The following MRPL45 variants were observed in gnomAD, a reference collection of about 807,000 sequenced individuals.
MRPL45 encodes mitochondrial ribosomal protein L45, also known as large ribosomal subunit protein mL45.
A neutral mutation model predicts 38.1 loss-of-function variants in MRPL45; 20 were observed. The ratio of observed to expected loss-of-function variants is 0.53; its 90% CI spans 0.37 to 0.76. The LOEUF is 0.76. Among genes scored for constraint, MRPL45 ranks in the 30% least tolerant of loss-of-function variants. The probability of loss-of-function intolerance (pLI) is 0.00; values close to 1 mark genes in which losing one functional copy is unlikely to be tolerated. For missense variants in MRPL45, 337 were observed against 395.6 expected (o/e 0.85, Z 1.26); for synonymous variants, 105 against 128.8 (o/e 0.82, Z 1.25).
chr17:38,313,308 A>AG (rs1567716419), intron 4 of MRPL45, among the ~76,000 whole-genome samples: 1 of 20,968 alleles, frequency 4.8e-5, no homozygotes. Flanking sequence ...AAAAAAAAAA[A>AG]AAAATATATA....
Position 38,297,207 on chromosome 17 carries a change from G to A in MRPL45, c.24G>A (p.Gly8=). Residue 8 remains glycine (G), a synonymous_variant, in exon 1 of 8, where the codon GGG becomes GGA. Transcript: ENST00000613675. ...AGATGGCAGCCCCCATACCTCAAGG[G>A]TTCTCTTGTTTATCGAGGTTTTTGG... MAAPIPQ[G]FSCLSRFLGW... is the part of the protein sequence containing the mutation. The A allele has an allele frequency of 6.2e-7, 1 of 1,614,238 alleles. No homozygotes were observed. Among genetic ancestry groups the A allele is most frequent in the African/African-American group, 1.3e-5 (1 of 75,062 alleles).
At chr17:38,318,410 C>G (rs562095250) in intron 4 of MRPL45, among the ~76,000 whole-genome samples, 1 of 151,348 alleles carries the variant, frequency 6.6e-6, no homozygotes, top group African/African-American at 2.4e-5. Flanking sequence ...GAGAAATTGC[C>G]TCCTACTCCT....
At chr17:38,318,994 ATTTTTTAT>A (rs1463377944) in intron 5 of MRPL45, among the ~76,000 whole-genome samples, 4,297 of 140,114 alleles carry the variant, frequency 0.031, 243 homozygotes, top group African/African-American at 0.11. Context: ...TGCCCAGCTA[ATTTTTTAT>A]TTATTTATTT....
At chr17:38,309,951 C>A (rs958587264) in intron 4 of MRPL45, among the ~76,000 whole-genome samples, 1 of 152,072 alleles carries the variant, frequency 6.6e-6, no homozygotes, top group Non-Finnish European at 1.5e-5. Context: ...AATGTGTCTT[C>A]AGCTCTTTTC....
intron 4 of MRPL45, among the ~76,000 whole-genome samples, chr17:38,311,724 G>A (rs1056522049): frequency 6.7e-5 from 10 of 149,016 alleles, no homozygotes; most frequent in African/African-American, 2.2e-4. Flanking sequence ...GGGAGCTTGT[G>A]CACCCCTTCC....
intron 4 of MRPL45, among the ~76,000 whole-genome samples, chr17:38,311,767 TATG>T (rs2037114878): frequency 6.6e-6 from 1 of 151,172 alleles, no homozygotes; most frequent in African/African-American, 2.4e-5. Context: ...AGTCAACATC[TATG>T]AGGAACGGGC....
At chr17:38,297,852 C>G (rs1240905725) in intron 1 of MRPL45, among the ~76,000 whole-genome samples, 7 of 152,184 alleles carry the variant, frequency 4.6e-5, no homozygotes, top group Non-Finnish European at 1.0e-4. Context: ...AATCCCAGCA[C>G]TTTGAAAGTC....
At chr17:38,306,226 G>T (rs1247846826) in intron 3 of MRPL45, among the ~76,000 whole-genome samples, 1 of 151,034 alleles carries the variant, frequency 6.6e-6, no homozygotes, top group African/African-American at 2.5e-5. Flanking sequence ...TGGCTAACAC[G>T]GTGAAACCCC....
Position 38,318,733 on chromosome 17 carries a change from C to G in MRPL45, c.508C>G (p.Pro170Ala). 1 of 1,606,204 alleles carries G rather than the reference C, an allele frequency of 6.2e-7. No homozygotes were observed. The highest frequency in any genetic ancestry group is 2.2e-5 in the East Asian group (1 of 44,772). The change falls in exon 5 of 8, where the codon CCA (proline) becomes GCA (alanine). Residue 170 changes from proline to alanine, a missense_variant and splice_region_variant. This residue lies in a region of MRPL45 where 251 missense variants were observed against 269.1 expected (regional missense o/e 0.93). Coordinates refer to ENST00000613675, the MANE Select transcript of MRPL45 (RefSeq NM_032351.6). ...LHTLVTEHCF[P>A]DMTWDIKYKT... ...TACCTTGGTAACTGAACACTGTTTT[C>G]CAGTAAGTTCTCATCCTCCTTAGAA...
intron 5 of MRPL45, among the ~76,000 whole-genome samples, chr17:38,320,145 G>T (rs1026706891): frequency 1.3e-5 from 2 of 152,200 alleles, no homozygotes; most frequent in Admixed American, 1.3e-4. Flanking sequence ...GTTTCTATCA[G>T]TAGAACTTCA....
chr17:38,313,394 A>G (rs1436503098), intron 4 of MRPL45, among the ~76,000 whole-genome samples: 1 of 92,468 alleles, frequency 1.1e-5, no homozygotes, highest in East Asian at 3.1e-4. Flanking sequence ...ACATATATAT[A>G]TATATATATG....
At chr17:38,317,584 T>TG (rs2037186961) in intron 4 of MRPL45, among the ~76,000 whole-genome samples, 1 of 151,964 alleles carries the variant, frequency 6.6e-6, no homozygotes, top group African/African-American at 2.4e-5. Flanking sequence ...TGTTTTGTTT[T>TG]TTTTTGAGAC....
At chr17:38,318,589 TA>T in intron 4 of MRPL45, 97 bp from the exon 5 acceptor site, 1 of 908,474 alleles carries the variant, frequency 1.1e-6, no homozygotes, top group Non-Finnish European at 1.8e-6. Flanking sequence ...AAAACATTTG[TA>T]AAAATGAATT....
chr17:38,318,134 G>A (rs1385264342), intron 4 of MRPL45, among the ~76,000 whole-genome samples: 2 of 151,092 alleles, frequency 1.3e-5, no homozygotes, highest in African/African-American at 4.9e-5. Context: ...CTTGAACCTG[G>A]GAGGTGGAGG....
chr17:38,306,720 T>G (rs760253917), intron 4 of MRPL45, 89 bp downstream of exon 4: 1 of 1,555,686 alleles, frequency 6.4e-7, no homozygotes, highest in Non-Finnish European at 8.7e-7. Context: ...GTTTTTGTTT[T>G]GCACAAATTT....
rs770226464 is a variant in MRPL45 at position 38,306,622 on chromosome 17, G to C, written c.452G>C (p.Cys151Ser). ...AKDIFIEAHL[C>S]LNNSDHDRLH... is the part of the protein sequence containing the mutation. The stretch of plus-strand genomic sequence containing the variant: ...GATATCTTTATTGAAGCTCACCTTT[G>C]TCTAAATAAGTAAGTGAACTCCCTA... The change falls in exon 4 of 8, where the codon TGT becomes TCT. Residue 151 changes from cysteine to serine, a missense_variant. Coordinates refer to ENST00000613675, the MANE Select transcript of MRPL45 (RefSeq NM_032351.6). 1.2e-6 allele frequency: 2 copies of C among 1,613,454 alleles called. No individual in the cohort carries two copies. Among genetic ancestry groups the C allele is most frequent in the Non-Finnish European group, 1.7e-6 (2 of 1,179,832 alleles).
intron 3 of MRPL45, among the ~76,000 whole-genome samples, chr17:38,303,899 G>A (rs556181053): frequency 6.6e-6 from 1 of 152,214 alleles, no homozygotes; most frequent in East Asian, 1.9e-4. Context: ...GCTAATTTTT[G>A]TATTTTTAGT....
intron 3 of MRPL45, among the ~76,000 whole-genome samples, chr17:38,302,116 C>CAAAA (rs67699213): frequency 0.036 from 2,753 of 75,460 alleles, 97 homozygotes; most frequent in Middle Eastern, 0.15. Context: ...GACTCCGTCT[C>CAAAA]AAAAAAAAAA....
chr17:38,303,638 C>T (rs2037022309), intron 3 of MRPL45, among the ~76,000 whole-genome samples: 1 of 151,610 alleles, frequency 6.6e-6, no homozygotes, highest in African/African-American at 2.4e-5. Flanking sequence ...GAAATCCCTC[C>T]TGGAGTCTTC....
Sources: allele counts gnomAD v4.1 joint callset (sites outside exome capture counted in the v4.1 genomes callset), GRCh38; gene constraint gnomAD v4.1.1; regional missense constraint gnomAD v4.1.1; transcripts MANE v1.5; gene names NCBI Gene and HGNC (gene_info 2026-07-23, HGNC 2026-07-21).